Variants in SLCO6A1 observed in about 807,000 individuals in gnomAD.
The protein encoded by SLCO6A1 is solute carrier organic anion transporter family member 6A1.
A neutral mutation model predicts 72.7 loss-of-function variants in SLCO6A1; 65 were observed. That is an observed-to-expected ratio of 0.89 (90% confidence interval 0.73 to 1.10). SLCO6A1 has a LOEUF of 1.10. Among genes scored for constraint, SLCO6A1 ranks in the 50% least tolerant of loss-of-function variants. SLCO6A1 has a pLI of 0.00. For missense variants in SLCO6A1, 874 were observed against 872.6 expected (o/e 1.00, Z -0.02); for synonymous variants, 314 against 298.2 (o/e 1.05, Z -0.55).
intron 6 of SLCO6A1, 37 bp downstream of exon 6, chr5:102,458,345 C>T (rs1750846221): frequency 1.4e-6 from 2 of 1,459,632 alleles, no homozygotes; most frequent in Admixed American, 3.6e-5. Context: ...AACAGGTCAA[C>T]TTAGTTGGAT....
chr5:102,478,258 G>A lies in SLCO6A1; in HGVS notation c.617-397C>T, dbSNP rs534756908. 2.0e-3 allele frequency among the ~76,000 whole-genome samples: 299 copies of A among 147,782 alleles called. 3 individuals are homozygous for A. Among genetic ancestry groups the A allele is most frequent in the African/African-American group, 7.0e-3 (289 of 41,468 alleles). On this transcript the variant is annotated intron_variant, in intron 2 of 13. Coordinates refer to ENST00000506729, the MANE Select transcript of SLCO6A1 (RefSeq NM_173488.5). ...TGTGCATGCATGATTGTATATATGT[G>A]TGCATAAATATGTTTGTATATATAT...
intron 10 of SLCO6A1, among the ~76,000 whole-genome samples, chr5:102,393,631 AT>A (rs199640114): frequency 6.6e-6 from 1 of 151,618 alleles, no homozygotes; most frequent in African/African-American, 2.4e-5. Context: ...GTAAAACTAC[AT>A]TTTTTTTTCT....
chr5:102,494,605 T>C (rs1338841878), intron 1 of SLCO6A1, among the ~76,000 whole-genome samples: 2 of 152,188 alleles, frequency 1.3e-5, no homozygotes, highest in African/African-American at 4.8e-5. Context: ...TAAAGGGCAC[T>C]TCACAAACAA....
chr5:102,394,913 A>G (rs1331496452), intron 10 of SLCO6A1, among the ~76,000 whole-genome samples: 2 of 152,164 alleles, frequency 1.3e-5, no homozygotes, highest in African/African-American at 2.4e-5. Flanking sequence ...TCAACAGTCC[A>G]TCATTGCTGC....
intron 12 of SLCO6A1, among the ~76,000 whole-genome samples, chr5:102,374,146 T>C (rs555042843): frequency 6.6e-6 from 1 of 152,060 alleles, no homozygotes; most frequent in Non-Finnish European, 1.5e-5. Flanking sequence ...CAAGCGATCC[T>C]CCCACTTCAG....
chr5:102,453,821 T>A (rs964233153), intron 6 of SLCO6A1, among the ~76,000 whole-genome samples: 1 of 152,150 alleles, frequency 6.6e-6, no homozygotes, highest in Non-Finnish European at 1.5e-5. Context: ...CTTGAGTCAG[T>A]AGGGCTTCCA....
At chr5:102,454,039 A>G (rs1750570899) in intron 6 of SLCO6A1, among the ~76,000 whole-genome samples, 1 of 152,210 alleles carries the variant, frequency 6.6e-6, no homozygotes, top group African/African-American at 2.4e-5. Flanking sequence ...AAAGCCTAAT[A>G]TCATTGGCCA....
At chr5:102,431,896 A>G (rs944571595) in intron 7 of SLCO6A1, among the ~76,000 whole-genome samples, 1 of 152,134 alleles carries the variant, frequency 6.6e-6, no homozygotes, top group Non-Finnish European at 1.5e-5. Context: ...TAAGAATTTA[A>G]TTTATAAATC....
In SLCO6A1 at chr5:102,373,473, G is replaced by C. The variant is rs1745599277; in HGVS notation, c.2039C>G (p.Thr680Ser). 6.6e-7 allele frequency: 1 copy of C among 1,506,180 alleles called. No individual in the cohort carries two copies. The highest frequency in any genetic ancestry group is 8.9e-7 in the Non-Finnish European group (1 of 1,128,258). The allele number at this position is 1,506,180 out of a possible 1,614,324, so 93.3% of individuals were successfully genotyped here. Reference protein sequence around the residue: ...VGICFLCKLCTIIFTTIAFFI... With the variant: ...VGICFLCKLCSIIFTTIAFFI... ...AAATGCAATAGTAGTGAAGATGATA[G>C]TGCATAGTTTGCAAAGAAAACCTAA... Residue 680 changes from threonine (T) to serine (S), a missense_variant, in exon 13 of 14, where the codon ACT (threonine) becomes AGT (serine). Physicochemically the swap from Thr to Ser is moderately conservative, Grantham distance 58. Coordinates refer to ENST00000506729, the MANE Select transcript of SLCO6A1 (RefSeq NM_173488.5).
chr5:102,468,554 G>C, intron 4 of SLCO6A1, among the ~76,000 whole-genome samples: 1 of 151,980 alleles, frequency 6.6e-6, no homozygotes, highest in East Asian at 1.9e-4. Flanking sequence ...ACATTTTCCT[G>C]TTGAACTAGA....
At chr5:102,435,794 G>C (rs757536849) in intron 7 of SLCO6A1, among the ~76,000 whole-genome samples, 9 of 151,866 alleles carry the variant, frequency 5.9e-5, no homozygotes, top group Non-Finnish European at 8.8e-5. Flanking sequence ...AGAATCGCTT[G>C]AACCTGGGAG....
intron 6 of SLCO6A1, among the ~76,000 whole-genome samples, chr5:102,440,933 C>A (rs1749802051): frequency 6.6e-6 from 1 of 152,130 alleles, no homozygotes; most frequent in African/African-American, 2.4e-5. Flanking sequence ...TATTGGGATT[C>A]TTTTTGTGTG....
In SLCO6A1 at chr5:102,372,076, A is replaced by T. The variant is rs1021190139; in HGVS notation, c.*63T>A. 2 of 152,042 alleles carry T rather than the reference A, an allele frequency of 1.3e-5. No individual in the cohort carries two copies. The highest frequency in any genetic ancestry group is 2.4e-5 in the African/African-American group (1 of 41,458). 9.4% of individuals were successfully genotyped at this position (152,042 alleles called of 1,614,324 possible). ...CAGAAACAAATCTTGGAGAATCTGTAAAAGAGAAACTCGTTTTCACACTCT... is the reference window on the plus strand; with the variant it reads ...CAGAAACAAATCTTGGAGAATCTGTTAAAGAGAAACTCGTTTTCACACTCT... On this transcript the variant is annotated 3_prime_UTR_variant, in exon 14 of 14. Coordinates refer to ENST00000506729, the MANE Select transcript of SLCO6A1 (RefSeq NM_173488.5).
chr5:102,452,392 AT>A (rs1262847954), intron 6 of SLCO6A1, among the ~76,000 whole-genome samples: 1 of 151,930 alleles, frequency 6.6e-6, no homozygotes, highest in Non-Finnish European at 1.5e-5. Context: ...TTTCTAATCC[AT>A]TTTATTCTTA....
intron 12 of SLCO6A1, among the ~76,000 whole-genome samples, chr5:102,385,618 T>G (rs768796188): frequency 4.6e-5 from 7 of 152,176 alleles, no homozygotes; most frequent in African/African-American, 1.7e-4. Context: ...TTTTTCAGTT[T>G]AATTATTGTG....
intron 12 of SLCO6A1, among the ~76,000 whole-genome samples, chr5:102,381,688 G>A (rs191320814): frequency 2.7e-5 from 4 of 146,956 alleles, no homozygotes; most frequent in Non-Finnish European, 3.0e-5. Flanking sequence ...CCCATCAGCA[G>A]TTTGCAGGGT....
chr5:102,492,563 C>G (rs545600537), intron 1 of SLCO6A1, among the ~76,000 whole-genome samples: 45 of 152,048 alleles, frequency 3.0e-4, no homozygotes, highest in Non-Finnish European at 4.9e-4. Flanking sequence ...TGCAGCCCAC[C>G]GAGTGTGAGC....
At chr5:102,490,946 G>A (rs2112860428) in intron 1 of SLCO6A1, among the ~76,000 whole-genome samples, 1 of 152,234 alleles carries the variant, frequency 6.6e-6, no homozygotes, top group Admixed American at 6.5e-5. Flanking sequence ...CCGGTAGCCT[G>A]CTTTTATTAT....
At chr5:102,447,826 G>A (rs1341187610) in intron 6 of SLCO6A1, among the ~76,000 whole-genome samples, 2 of 151,950 alleles carry the variant, frequency 1.3e-5, no homozygotes. Context: ...AAGAACAAAC[G>A]TTTCATTTCA....
Sources: allele counts gnomAD v4.1 joint callset (sites outside exome capture counted in the v4.1 genomes callset), GRCh38; gene constraint gnomAD v4.1.1; transcripts MANE v1.5; gene names NCBI Gene and HGNC (gene_info 2026-07-23, HGNC 2026-07-21).